Variants in SOWAHC observed in about 807,000 individuals in gnomAD.
The protein encoded by SOWAHC is sosondowah ankyrin repeat domain family member C.
Under a neutral mutation model 14.4 loss-of-function variants are expected in SOWAHC, and 12 were observed. The ratio of observed to expected loss-of-function variants is 0.83; its 90% CI spans 0.53 to 1.35. The LOEUF (loss-of-function observed/expected upper bound fraction) is 1.35, where lower values mean the gene tolerates loss of function less well. SOWAHC is among the 40% of genes most tolerant of loss of function. SOWAHC has a pLI of 0.00. For synonymous variants in SOWAHC, 398 were observed against 347.0 expected, an observed-to-expected ratio of 1.15 and a Z score of -1.63; for missense variants, 771 against 752.8, an observed-to-expected ratio of 1.02 and a Z score of -0.28.
chr2:109,614,943 G>T lies in SOWAHC; in HGVS notation c.454G>T (p.Ala152Ser). 1 of 1,518,332 alleles carries T rather than the reference G, an allele frequency of 6.6e-7. No homozygotes were observed. The highest frequency in any genetic ancestry group is 1.2e-5 in the South Asian group (1 of 81,422). 94.1% of individuals were successfully genotyped at this position (1,518,332 alleles called of 1,614,324 possible). ...GCACTGGCCGCCCCTGAGCGCCGGGGCTCGCAGGAAGAACTCGCGGCGCGA... is the reference window on the plus strand; with the variant it reads ...GCACTGGCCGCCCCTGAGCGCCGGGTCTCGCAGGAAGAACTCGCGGCGCGA... ...PAHWPPLSAG[A>S]RRKNSRRDVQ... is the part of the protein sequence containing the mutation. Residue 152 changes from alanine (A) to serine (S), a missense_variant, in exon 1 of 1, where the codon GCT becomes TCT. Transcript: ENST00000356454.
At position 109,617,630 on chromosome 2, in the gene SOWAHC, A is replaced by C. The variant is rs546141413; in HGVS notation, c.*1563A>C. The C allele has an allele frequency of 3.0e-5, 5 of 167,164 alleles. No homozygotes were observed. The highest frequency in any genetic ancestry group is 1.2e-4 in the African/African-American group (5 of 41,592). 10.4% of individuals were successfully genotyped at this position (167,164 alleles called of 1,614,324 possible). ...CACAGCCTGCGGGGTGAATGAACCCATGTGTGAACTGCACAGAGCAATTCA... is the reference window on the plus strand; with the variant it reads ...CACAGCCTGCGGGGTGAATGAACCCCTGTGTGAACTGCACAGAGCAATTCA... On this transcript the variant is annotated 3_prime_UTR_variant, in exon 1 of 1. Transcript: ENST00000356454.
At position 109,615,435 on chromosome 2, in the gene SOWAHC, G is replaced by C. The variant is rs559044575; in HGVS notation, c.946G>C (p.Glu316Gln). The change falls in exon 1 of 1, where the codon GAG becomes CAG. Residue 316 changes from glutamate (E) to glutamine (Q), a missense_variant. By Grantham distance (29) the Glu-to-Gln change is conservative. Coordinates refer to ENST00000356454, the MANE Select transcript of SOWAHC (RefSeq NM_023016.4). ...LHWAAKHGRQ[E>Q]LLAMLVNFAN... ...CTGGGCCGCCAAGCACGGCAGGCAG[G>C]AGCTTCTGGCCATGCTAGTCAACTT... 6.2e-7 allele frequency: 1 copy of C among 1,613,150 alleles called. No individual in the cohort carries two copies. The highest frequency in any genetic ancestry group is 1.7e-5 in the Admixed American group (1 of 60,034).
In SOWAHC at chr2:109,615,405, C is replaced by T. The variant is rs1558940351; in HGVS notation, c.916C>T (p.Leu306=). The T allele has an allele frequency of 6.2e-7, 1 of 1,612,948 alleles. No individual in the cohort carries two copies. The highest frequency in any genetic ancestry group is 8.5e-7 in the Non-Finnish European group (1 of 1,180,030). The change falls in exon 1 of 1, where the codon CTG becomes TTG. Residue 306 remains leucine, a synonymous_variant. Transcript: ENST00000356454. ...GGACTTCATTACCGGCTTCACTTGC[C>T]TGCACTGGGCCGCCAAGCACGGCAG... ...KRDFITGFTC[L]HWAAKHGRQE...
chr2:109,616,639 T>C lies in SOWAHC; in HGVS notation c.*572T>C, dbSNP rs1039452929. ...AATAATGTGAATAAAATGGGAATCT[T>C]CTTGGTATTTTATGTGTATTGTAAG... On this transcript the variant is annotated 3_prime_UTR_variant, in exon 1 of 1. Transcript: ENST00000356454. 6.0e-6 allele frequency: 1 copy of C among 167,090 alleles called. No homozygotes were observed. The highest frequency in any genetic ancestry group is 1.5e-5 in the Non-Finnish European group (1 of 68,136). The allele number at this position is 167,090 out of a possible 1,614,324, so 10.4% of individuals were successfully genotyped here.
chr2:109,617,164 T>C lies in SOWAHC; in HGVS notation c.*1097T>C, dbSNP rs1490005202. On this transcript the variant is annotated 3_prime_UTR_variant, in exon 1 of 1. Coordinates refer to ENST00000356454, the MANE Select transcript of SOWAHC (RefSeq NM_023016.4). Reference sequence around the variant, plus strand: ...TGGTAGTCTCTATGACTTGTAGCAATGTTTTACAAATGTTTAAAATGCTAA... The same window carrying C: ...TGGTAGTCTCTATGACTTGTAGCAACGTTTTACAAATGTTTAAAATGCTAA... 1 of 166,658 alleles carries C rather than the reference T, an allele frequency of 6.0e-6. No homozygotes were observed. The highest frequency in any genetic ancestry group is 1.5e-5 in the Non-Finnish European group (1 of 68,116). 10.3% of individuals were successfully genotyped at this position (166,658 alleles called of 1,614,324 possible).
chr2:109,615,574 G>T lies in SOWAHC; in HGVS notation c.1085G>T (p.Gly362Val). ...GTGGAGGTGGTGAAGCTGCTGGTGG[G>T]GGCCTACGACGCCGATGTGGACATC... is the stretch of plus-strand genomic sequence containing the variant. ...GHVEVVKLLV[G>V]AYDADVDIRD... is the part of the protein sequence containing the mutation. Residue 362 changes from glycine (G) to valine (V), a missense_variant, in exon 1 of 1, where the codon GGG becomes GTG. Transcript: ENST00000356454. 6.2e-7 allele frequency: 1 copy of T among 1,614,054 alleles called. No homozygotes were observed. The highest frequency in any genetic ancestry group is 8.5e-7 in the Non-Finnish European group (1 of 1,180,022).
rs1700182830 is a variant in SOWAHC at position 109,618,894 on chromosome 2, A to G, written c.*2827A>G. On this transcript the variant is annotated 3_prime_UTR_variant, in exon 1 of 1. Coordinates refer to ENST00000356454, the MANE Select transcript of SOWAHC (RefSeq NM_023016.4). ...TTTCACGCCTGCAATCTTGGAGTCT[A>G]GGTTGCCTTGTCTCTCCTATTTTTA... The G allele has an allele frequency of 6.0e-6, 1 of 167,066 alleles. No individual in the cohort carries two copies. Among genetic ancestry groups the G allele is most frequent in the Admixed American group, 6.5e-5 (1 of 15,284 alleles). 10.3% of individuals were successfully genotyped at this position (167,066 alleles called of 1,614,324 possible).
rs1189033613 is a variant in SOWAHC, at chr2:109,617,497, T to C, written c.*1430T>C. 1.8e-5 allele frequency: 3 copies of C among 167,202 alleles called. No homozygotes were observed. Among genetic ancestry groups the C allele is most frequent in the East Asian group, 3.9e-4 (2 of 5,192 alleles). 10.4% of individuals were successfully genotyped at this position (167,202 alleles called of 1,614,324 possible). On this transcript the variant is annotated 3_prime_UTR_variant, in exon 1 of 1. Transcript: ENST00000356454. ...CATATTAAATCTGTTTGTTATAAGA[T>C]TGGAAACAATTTTTGAGAGGGACTA...
At position 109,614,571 on chromosome 2, in the gene SOWAHC, CG is replaced by C; in HGVS notation, c.85del (p.Ala29ProfsTer14). ...GCGCTTCCTGGCGGAGCGCGGGGGC[CG>C]GGCCCTGCACGCCGAGCTGGTGCAG... Reference protein sequence around the residue: ...VLRFLAERGGRALHAELVQHF... With the variant: ...VLRFLAERGGXALHAELVQHF... On this transcript the variant is annotated frameshift_variant, in exon 1 of 1. Coordinates refer to ENST00000356454, the MANE Select transcript of SOWAHC (RefSeq NM_023016.4). LOFTEE classifies it low-confidence loss of function (END_TRUNC). 7.3e-7 allele frequency: 1 copy of C among 1,375,224 alleles called. No individual in the cohort carries two copies. Among genetic ancestry groups the C allele is most frequent in the Non-Finnish European group, 9.4e-7 (1 of 1,068,170 alleles). 85.2% of individuals were successfully genotyped at this position (1,375,224 alleles called of 1,614,324 possible). A position where few individuals can be genotyped will look rare whatever the true frequency, so the allele number is the denominator to read the frequency against.
chr2:109,614,769 C>T lies in SOWAHC; in HGVS notation c.280C>T (p.Pro94Ser). Residue 94 changes from proline to serine, a missense_variant, in exon 1 of 1, where the codon CCG becomes TCG. Pro to Ser is a moderately conservative substitution (Grantham distance 74). Coordinates refer to ENST00000356454, the MANE Select transcript of SOWAHC (RefSeq NM_023016.4). ...AGGGCCGTCCGAGCCCTCCGGGGAC[C>T]CGCCGCGAATCCAGGTGACCGCCGA... ...CEGPSEPSGD[P>S]PRIQVTAEPE... 5.4e-6 allele frequency: 8 copies of T among 1,479,160 alleles called. No homozygotes were observed. Among genetic ancestry groups the T allele is most frequent in the Non-Finnish European group, 6.2e-6 (7 of 1,120,266 alleles). 91.6% of individuals were successfully genotyped at this position (1,479,160 alleles called of 1,614,324 possible).
rs1699985795 is a variant in SOWAHC at position 109,614,408 on chromosome 2, C to G, written c.-82C>G. On this transcript the variant is annotated 5_prime_UTR_variant, in exon 1 of 1. Transcript: ENST00000356454. Reference sequence around the variant, plus strand: ...CCGCTGAGCCCGCCAGACTCCGCCGCCGTCGGGAGCCGGCCGCTGGGAGCC... The same window carrying G: ...CCGCTGAGCCCGCCAGACTCCGCCGGCGTCGGGAGCCGGCCGCTGGGAGCC... 2.8e-6 allele frequency: 3 copies of G among 1,053,256 alleles called. No individual in the cohort carries two copies. The Admixed American group carries it at 1.3e-4, about 47-fold the overall frequency. 65.2% of individuals were successfully genotyped at this position (1,053,256 alleles called of 1,614,324 possible). A position where few individuals can be genotyped will look rare whatever the true frequency, so the allele number is the denominator to read the frequency against.
At position 109,614,850 on chromosome 2, in the gene SOWAHC, G is replaced by T. The variant is rs1202881131; in HGVS notation, c.361G>T (p.Ala121Ser). Reference sequence around the variant, plus strand: ...CGAGGCGCGCGATCGGCTCCCCGACGCGGCGGCCCCGGAGTCGCTCCCTGG... The same window carrying T: ...CGAGGCGCGCGATCGGCTCCCCGACTCGGCGGCCCCGGAGTCGCTCCCTGG... ...GPEARDRLPD[A>S]AAPESLPGQG... The change falls in exon 1 of 1, where the codon GCG (alanine) becomes TCG (serine). Residue 121 changes from alanine to serine, a missense_variant. By Grantham distance (99) the Ala-to-Ser change is moderately conservative (BLOSUM62 1). Coordinates refer to ENST00000356454, the MANE Select transcript of SOWAHC (RefSeq NM_023016.4). The T allele has an allele frequency of 1.4e-6, 2 of 1,401,104 alleles. No homozygotes were observed. Among genetic ancestry groups the T allele is most frequent in the Admixed American group, 3.5e-5 (1 of 28,798 alleles). 86.8% of individuals were successfully genotyped at this position (1,401,104 alleles called of 1,614,324 possible).
rs1700058066 is a variant in SOWAHC, at chr2:109,615,055, G to A, written c.566G>A (p.Gly189Asp). ...PPHGCEEADR[G>D]SSLVGATAQR... ...CATGGCTGCGAGGAGGCGGACAGGG[G>A]CAGCTCCCTTGTGGGGGCTACCGCA... Residue 189 changes from glycine to aspartate, a missense_variant, in exon 1 of 1, where the codon GGC becomes GAC. Coordinates refer to ENST00000356454, the MANE Select transcript of SOWAHC (RefSeq NM_023016.4). 2 of 1,548,928 alleles carry A rather than the reference G, an allele frequency of 1.3e-6. No homozygotes were observed. Among genetic ancestry groups the A allele is most frequent in the Non-Finnish European group, 1.7e-6 (2 of 1,146,726 alleles).
chr2:109,617,564 G>A lies in SOWAHC; in HGVS notation c.*1497G>A, dbSNP rs915570900. ...CTTTAGTCTTTTGGGTCGCGTAGTT[G>A]CTGAAACCTAAGTACCTGCAGCCTA... is the stretch of plus-strand genomic sequence containing the variant. On this transcript the variant is annotated 3_prime_UTR_variant, in exon 1 of 1. Coordinates refer to ENST00000356454, the MANE Select transcript of SOWAHC (RefSeq NM_023016.4). 6.0e-6 allele frequency: 1 copy of A among 167,022 alleles called. No homozygotes were observed. Among genetic ancestry groups the A allele is most frequent in the South Asian group, 2.1e-4 (1 of 4,836 alleles). 10.3% of individuals were successfully genotyped at this position (167,022 alleles called of 1,614,324 possible).
Position 109,616,216 on chromosome 2 carries a change from T to C in SOWAHC, c.*149T>C, listed in dbSNP as rs1483030865. 2 of 1,259,824 alleles carry C rather than the reference T, an allele frequency of 1.6e-6. No individual in the cohort carries two copies. The highest frequency in any genetic ancestry group is 5.7e-5 in the South Asian group (2 of 35,354). 78.0% of individuals were successfully genotyped at this position (1,259,824 alleles called of 1,614,324 possible). The stretch of plus-strand genomic sequence containing the variant: ...GGATGGGGCGGAGTTCTCTTCAGGC[T>C]AGCCTTCTGGGAAAAGTGGATGTCT... On this transcript the variant is annotated 3_prime_UTR_variant, in exon 1 of 1. Coordinates refer to ENST00000356454, the MANE Select transcript of SOWAHC (RefSeq NM_023016.4).
chr2:109,615,430 G>C lies in SOWAHC; in HGVS notation c.941G>C (p.Arg314Thr), dbSNP rs200926093. Residue 314 changes from arginine (R) to threonine (T), a missense_variant, in exon 1 of 1, where the codon AGG becomes ACG. By Grantham distance (71) the Arg-to-Thr change is moderately conservative. Transcript: ENST00000356454. ...TCLHWAAKHG[R>T]QELLAMLVNF... The stretch of plus-strand genomic sequence containing the variant: ...CTGCACTGGGCCGCCAAGCACGGCA[G>C]GCAGGAGCTTCTGGCCATGCTAGTC... 16 of 1,613,100 alleles carry C rather than the reference G, an allele frequency of 9.9e-6. No homozygotes were observed. In the East Asian group the frequency reaches 2.9e-4, roughly 29 times the overall value.
rs139093622 is a variant in SOWAHC at position 109,615,823 on chromosome 2, C to A, written c.1334C>A (p.Ala445Asp). Residue 445 changes from alanine to aspartate, a missense_variant, in exon 1 of 1, where the codon GCT becomes GAT. Ala to Asp is a moderately radical substitution (Grantham distance 126, BLOSUM62 -2). Coordinates refer to ENST00000356454, the MANE Select transcript of SOWAHC (RefSeq NM_023016.4). ...GGDHHHHHHS[A>D]EGWVGGKAKD... ...GACCATCACCACCATCACCACTCGG[C>A]TGAGGGGTGGGTCGGAGGCAAAGCC... 4 of 1,614,042 alleles carry A rather than the reference C, an allele frequency of 2.5e-6. No homozygotes were observed. Among genetic ancestry groups the A allele is most frequent in the Non-Finnish European group, 3.4e-6 (4 of 1,180,040 alleles).
At position 109,615,036 on chromosome 2, in the gene SOWAHC, T is replaced by G. The variant is rs1185293763; in HGVS notation, c.547T>G (p.Cys183Gly). The G allele has an allele frequency of 6.5e-7, 1 of 1,548,072 alleles. No individual in the cohort carries two copies. Among genetic ancestry groups the G allele is most frequent in the Non-Finnish European group, 8.7e-7 (1 of 1,146,606 alleles). Residue 183 changes from cysteine to glycine, a missense_variant, in exon 1 of 1, where the codon TGC (cysteine) becomes GGC (glycine). Cys to Gly is a radical substitution (Grantham distance 159). Transcript: ENST00000356454. ...SEDLELPPHG[C>G]EEADRGSSLV... Reference sequence around the variant, plus strand: ...GGACCTGGAGCTCCCGCCACATGGCTGCGAGGAGGCGGACAGGGGCAGCTC... The same window carrying G: ...GGACCTGGAGCTCCCGCCACATGGCGGCGAGGAGGCGGACAGGGGCAGCTC...
In SOWAHC at chr2:109,615,359, G is replaced by C. The variant is rs1268872294; in HGVS notation, c.870G>C (p.Glu290Asp). Residue 290 changes from glutamate to aspartate, a missense_variant, in exon 1 of 1, where the codon GAG (glutamate) becomes GAC (aspartate). Transcript: ENST00000356454. ...GCCTGGAGGGCTTGCTCACCTGCGA[G>C]CCCGGCCTGCTGGTCAAGCGGGACT... ...WDSLEGLLTC[E>D]PGLLVKRDFI... 1 of 1,612,828 alleles carries C rather than the reference G, an allele frequency of 6.2e-7. No homozygotes were observed. Among genetic ancestry groups the C allele is most frequent in the East Asian group, 2.2e-5 (1 of 44,868 alleles).
Sources: gnomAD v4.1 joint callset for allele counts on GRCh38, gnomAD v4.1.1 for gene constraint, MANE v1.5 for transcripts, NCBI Gene and HGNC (gene_info 2026-07-23, HGNC 2026-07-21) for gene names.